ARHGAP10: variants seen among roughly 807,000 people sequenced by gnomAD.
The protein encoded by ARHGAP10 is rho GTPase-activating protein 10.
ARHGAP10 carries 87 observed loss-of-function variants against 108.6 expected under a neutral mutation model. That is an observed-to-expected ratio of 0.80 (90% CI 0.67 to 0.96). The LOEUF (loss-of-function observed/expected upper bound fraction) is 0.96, where lower values mean the gene tolerates loss of function less well. Among genes scored for constraint, ARHGAP10 ranks in the 40% least tolerant of loss-of-function variants. The pLI, the probability that ARHGAP10 is intolerant of heterozygous loss-of-function variation, is 0.00. For missense variants in ARHGAP10, 939 were observed against 954.5 expected (o/e 0.98, Z 0.21); for synonymous variants, 347 against 341.1 (o/e 1.02, Z -0.19).
At chr4:147,949,690 G>A (rs1560840828) in intron 15 of ARHGAP10, among the ~76,000 whole-genome samples, 1 of 152,174 alleles carries the variant, frequency 6.6e-6, no homozygotes, top group African/African-American at 2.4e-5. Context: ...ACTTGACCAA[G>A]AGACGTACTG....
At chr4:147,950,190 G>T (rs1441166259) in intron 15 of ARHGAP10, among the ~76,000 whole-genome samples, 1 of 152,134 alleles carries the variant, frequency 6.6e-6, no homozygotes, top group Non-Finnish European at 1.5e-5. Flanking sequence ...TTGAAAGTTG[G>T]GTTGCTGTTC....
chr4:147,982,954 C>T (rs1165698637), intron 18 of ARHGAP10, among the ~76,000 whole-genome samples: 5 of 151,970 alleles, frequency 3.3e-5, no homozygotes. Flanking sequence ...AATCACAGCT[C>T]ATTGCAGCCT....
At chr4:147,761,436 A>T (rs998862525) in intron 1 of ARHGAP10, among the ~76,000 whole-genome samples, 1 of 152,188 alleles carries the variant, frequency 6.6e-6, no homozygotes, top group Non-Finnish European at 1.5e-5. Flanking sequence ...TCACATTTGT[A>T]TGTGGCTTCT....
intron 13 of ARHGAP10, among the ~76,000 whole-genome samples, chr4:147,929,710 A>T (rs1560831191): frequency 6.6e-6 from 1 of 152,162 alleles, no homozygotes; most frequent in Non-Finnish European, 1.5e-5. Flanking sequence ...GTATTTCCTC[A>T]CAAGTTTTTC....
chr4:147,766,829 TATATATATA>T (rs1729849682), intron 1 of ARHGAP10, among the ~76,000 whole-genome samples: 2 of 113,386 alleles, frequency 1.8e-5, no homozygotes, highest in African/African-American at 7.4e-5. Context: ...TATATATATA[TATATATATA>T]TTTATTTATT....
intron 3 of ARHGAP10, among the ~76,000 whole-genome samples, chr4:147,840,542 G>A (rs1030137744): frequency 1.2e-4 from 18 of 152,312 alleles, no homozygotes; most frequent in Middle Eastern, 3.4e-3. Flanking sequence ...GGGGGATGCA[G>A]TCGAGTGCTT....
intron 10 of ARHGAP10, among the ~76,000 whole-genome samples, chr4:147,888,725 A>G (rs746112400): frequency 2.9e-4 from 44 of 152,212 alleles, no homozygotes; most frequent in Non-Finnish European, 5.6e-4. Context: ...TGCTGTTACC[A>G]GTAGATACTG....
At chr4:147,737,883 A>G (rs1728483928) in intron 1 of ARHGAP10, among the ~76,000 whole-genome samples, 1 of 152,166 alleles carries the variant, frequency 6.6e-6, no homozygotes, top group African/African-American at 2.4e-5. Flanking sequence ...CAGCTGAGCC[A>G]TGGTTATTTA....
chr4:147,957,450 C>T (rs1042649805), intron 16 of ARHGAP10, among the ~76,000 whole-genome samples: 3 of 152,116 alleles, frequency 2.0e-5, no homozygotes, highest in African/African-American at 4.8e-5. Context: ...TTAGTCTCCC[C>T]TTTTGAATGC....
At chr4:147,830,216 A>C (rs1054858368) in intron 3 of ARHGAP10, among the ~76,000 whole-genome samples, 1 of 152,182 alleles carries the variant, frequency 6.6e-6, no homozygotes, top group Non-Finnish European at 1.5e-5. Flanking sequence ...GCCAGGGATC[A>C]CTTCCTGGGT....
intron 15 of ARHGAP10, among the ~76,000 whole-genome samples, chr4:147,953,824 A>G (rs928961130): frequency 5.3e-5 from 8 of 150,876 alleles, no homozygotes; most frequent in Admixed American, 2.0e-4. Context: ...TTTTTTCCTC[A>G]TAGCTCATTA....
chr4:147,883,342 G>A (rs1735413019), intron 10 of ARHGAP10, among the ~76,000 whole-genome samples: 1 of 152,116 alleles, frequency 6.6e-6, no homozygotes. Flanking sequence ...GACTACAGGT[G>A]TGAGCCACCA....
chr4:147,808,075 G>A lies in ARHGAP10; in HGVS notation c.155-14652G>A, dbSNP rs985174834. ...TTTGTGGTCTTTTCAGTAATCTACC[G>A]ATTTAGAATCAAAGCTAGTTGAAGT... On this transcript the variant is annotated intron_variant, in intron 1 of 22. Coordinates refer to ENST00000336498, the MANE Select transcript of ARHGAP10 (RefSeq NM_024605.4). 3.9e-5 allele frequency among the ~76,000 whole-genome samples: 6 copies of A among 152,232 alleles called. No homozygotes were observed. The East Asian group carries it at 5.8e-4, about 15-fold the overall frequency.
intron 18 of ARHGAP10, among the ~76,000 whole-genome samples, chr4:148,004,663 C>T (rs1225746934): frequency 2.6e-5 from 4 of 152,190 alleles, no homozygotes; most frequent in South Asian, 2.1e-4. Flanking sequence ...GCAAAAGCCA[C>T]GGCCTTTAGT....
intron 18 of ARHGAP10, among the ~76,000 whole-genome samples, chr4:148,020,835 G>A (rs1404175666): frequency 6.6e-6 from 1 of 152,026 alleles, no homozygotes; most frequent in East Asian, 1.9e-4. Context: ...GGGTCAAATG[G>A]TATTAATATT....
chr4:147,783,272 T>G (rs1018364485), intron 1 of ARHGAP10, among the ~76,000 whole-genome samples: 7 of 144,830 alleles, frequency 4.8e-5, no homozygotes, highest in East Asian at 2.1e-4. Context: ...ATAATTTATA[T>G]AACACACATT....
chr4:148,068,788 T>C (rs1200332939), intron 22 of ARHGAP10, among the ~76,000 whole-genome samples: 2 of 152,180 alleles, frequency 1.3e-5, no homozygotes, highest in African/African-American at 4.8e-5. Flanking sequence ...CGTGTGATGA[T>C]GACAATTCAG....
chr4:147,804,420 G>A (rs2126764376), intron 1 of ARHGAP10, among the ~76,000 whole-genome samples: 2 of 152,260 alleles, frequency 1.3e-5, no homozygotes, highest in East Asian at 3.9e-4. Flanking sequence ...CATCTAGGTT[G>A]ATTCCCTATC....
chr4:147,752,174 C>T (rs1371437803), intron 1 of ARHGAP10, among the ~76,000 whole-genome samples: 1 of 152,168 alleles, frequency 6.6e-6, no homozygotes, highest in Non-Finnish European at 1.5e-5. Context: ...TGAGCCACAA[C>T]GCCTGGCCAA....
Sources: gnomAD v4.1 joint callset for allele counts (sites outside exome capture counted in the v4.1 genomes callset) on GRCh38, gnomAD v4.1.1 for gene constraint, MANE v1.5 for transcripts, NCBI Gene and HGNC (gene_info 2026-07-23, HGNC 2026-07-21) for gene names.